Variants in CNTNAP2 observed in about 807,000 individuals in gnomAD.
The protein encoded by CNTNAP2 is contactin-associated protein-like 2.
CNTNAP2 carries 98 observed loss-of-function variants against 155.2 expected under a neutral mutation model. That is an observed-to-expected ratio of 0.63 (90% confidence interval 0.54 to 0.75). The LOEUF (loss-of-function observed/expected upper bound fraction) is 0.75, where lower values mean the gene tolerates loss of function less well. CNTNAP2 is among the 30% of genes least tolerant of loss of function. The probability of loss-of-function intolerance (pLI) is 0.00; values close to 1 mark genes in which losing one functional copy is unlikely to be tolerated. For synonymous variants in CNTNAP2, 651 were observed against 631.2 expected, an observed-to-expected ratio of 1.03 and a Z score of -0.47; for missense variants, 1,727 against 1,688.1, an observed-to-expected ratio of 1.02 and a Z score of -0.40.
At chr7:147,045,623 G>A (rs559533903) in intron 4 of CNTNAP2, among the ~76,000 whole-genome samples, 22 of 152,200 alleles carry the variant, frequency 1.4e-4, no homozygotes, top group African/African-American at 5.1e-4. Flanking sequence ...CCCAAAAAGA[G>A]GTCTAACATA....
At chr7:148,088,950 A>G (rs373228833) in intron 15 of CNTNAP2, among the ~76,000 whole-genome samples, 1 of 152,038 alleles carries the variant, frequency 6.6e-6, no homozygotes, top group African/African-American at 2.4e-5. Context: ...TACTAAAAGA[A>G]TCATTCATCA....
intron 12 of CNTNAP2, among the ~76,000 whole-genome samples, chr7:147,628,511 A>T (rs1000710816): frequency 1.3e-5 from 2 of 152,160 alleles, no homozygotes; most frequent in African/African-American, 4.8e-5. Flanking sequence ...ACCAAAATAG[A>T]ACCTCCTTAA....
intron 3 of CNTNAP2, among the ~76,000 whole-genome samples, chr7:146,887,043 C>T (rs1221595370): frequency 6.6e-6 from 1 of 151,910 alleles, no homozygotes. Flanking sequence ...TGCTTCTCTC[C>T]ATTCCCCAGT....
intron 3 of CNTNAP2, among the ~76,000 whole-genome samples, chr7:147,024,282 G>A (rs1798862601): frequency 6.6e-6 from 1 of 152,108 alleles, no homozygotes; most frequent in Non-Finnish European, 1.5e-5. Context: ...CAATTGCAAT[G>A]GTGGTTACAC....
chr7:146,788,718 G>A (rs1329002581), intron 2 of CNTNAP2, among the ~76,000 whole-genome samples: 2 of 152,066 alleles, frequency 1.3e-5, no homozygotes, highest in Non-Finnish European at 2.9e-5. Context: ...GCATTAACAT[G>A]TTTAAGCTTC....
Position 146,783,900 on chromosome 7 carries a change from G to T in CNTNAP2, c.208+9519G>T, listed in dbSNP as rs574417223. ...CCAGCAGAATACATTTCCACTTTGG[G>T]ATTTGCTTTTATAAAATTTAGCTAA... On this transcript the variant is annotated intron_variant, in intron 2 of 23. Coordinates refer to ENST00000361727, the MANE Select transcript of CNTNAP2 (RefSeq NM_014141.6). 9.9e-5 allele frequency among the ~76,000 whole-genome samples: 15 copies of T among 152,274 alleles called. No individual in the cohort carries two copies. In the East Asian group the frequency reaches 2.7e-3, roughly 27 times the overall value.
chr7:146,797,536 A>C (rs892654098), intron 2 of CNTNAP2, among the ~76,000 whole-genome samples: 1 of 152,226 alleles, frequency 6.6e-6, no homozygotes, highest in Non-Finnish European at 1.5e-5. Flanking sequence ...AGTTGTTAGC[A>C]AAAGACCACT....
chr7:148,402,175 GGATCTTGGACAATCA>G, intron 22 of CNTNAP2, among the ~76,000 whole-genome samples: 1 of 84,720 alleles, frequency 1.2e-5, no homozygotes, highest in Admixed American at 9.9e-5. Context: ...TTTGGTCACT[GGATCTTGGACAATCA>G]TGAAAGCAGC....
intron 3 of CNTNAP2, among the ~76,000 whole-genome samples, chr7:146,947,001 A>C (rs1278292024): frequency 6.6e-6 from 1 of 152,028 alleles, no homozygotes; most frequent in Non-Finnish European, 1.5e-5. Flanking sequence ...TCTTATGACA[A>C]TTATTTGCAA....
intron 1 of CNTNAP2, among the ~76,000 whole-genome samples, chr7:146,652,213 CAAG>C (rs1799926367): frequency 8.0e-6 from 1 of 125,310 alleles, no homozygotes; most frequent in South Asian, 2.9e-4. Context: ...AATTTTAACA[CAAG>C]AAAATGGCAA....
At chr7:147,647,831 C>G (rs937479140) in intron 13 of CNTNAP2, among the ~76,000 whole-genome samples, 7 of 152,024 alleles carry the variant, frequency 4.6e-5, no homozygotes, top group African/African-American at 1.7e-4. Flanking sequence ...AATTGGGAAG[C>G]TAAGGGAGAT....
Position 147,395,640 on chromosome 7 carries a change from C to A in CNTNAP2, c.1530C>A (p.His510Gln), listed in dbSNP as rs747481482. The change falls in exon 10 of 24, where the codon CAC becomes CAA. Residue 510 changes from histidine (H) to glutamine (Q), a missense_variant. Transcript: ENST00000361727. ...GFLNQMNNSS[H>Q]SVLQPSFQGC... ...TGAACCAGATGAATAACTCAAGTCA[C>A]TCTGTCCTTCAGCCTTCATTCCAAG... is the stretch of plus-strand genomic sequence containing the variant. 6.2e-7 allele frequency: 1 copy of A among 1,612,358 alleles called. No individual in the cohort carries two copies. The highest frequency in any genetic ancestry group is 8.5e-7 in the Non-Finnish European group (1 of 1,178,646).
At chr7:147,737,839 T>C (rs1256341260) in intron 13 of CNTNAP2, among the ~76,000 whole-genome samples, 1 of 152,204 alleles carries the variant, frequency 6.6e-6, no homozygotes, top group African/African-American at 2.4e-5. Context: ...TGTAATCTCC[T>C]AGTGTGCCAT....
chr7:147,219,647 C>A (rs1024795775), intron 8 of CNTNAP2, among the ~76,000 whole-genome samples: 7 of 152,208 alleles, frequency 4.6e-5, no homozygotes, highest in Admixed American at 2.6e-4. Context: ...TTTGGCAAAA[C>A]CCTCACAGAC....
At chr7:147,029,267 A>G (rs568465212) in intron 3 of CNTNAP2, among the ~76,000 whole-genome samples, 4 of 152,200 alleles carry the variant, frequency 2.6e-5, no homozygotes, top group African/African-American at 9.6e-5. Flanking sequence ...CGGGCCTAAG[A>G]TACATTCTTG....
chr7:147,223,410 T>C (rs1345106380), intron 8 of CNTNAP2, among the ~76,000 whole-genome samples: 1 of 152,020 alleles, frequency 6.6e-6, no homozygotes. Context: ...TCCCCCAAGG[T>C]TCAGGAAAGC....
chr7:146,318,660 A>G (rs1276426310), intron 1 of CNTNAP2, among the ~76,000 whole-genome samples: 1 of 152,110 alleles, frequency 6.6e-6, no homozygotes, highest in Non-Finnish European at 1.5e-5. Context: ...TTGTTTCAAG[A>G]GAGAAGATAC....
chr7:147,470,816 A>C (rs1406647318), intron 10 of CNTNAP2, among the ~76,000 whole-genome samples: 2 of 152,102 alleles, frequency 1.3e-5, no homozygotes, highest in Non-Finnish European at 2.9e-5. Flanking sequence ...GGTAATTTAG[A>C]GGTTAATATA....
intron 15 of CNTNAP2, among the ~76,000 whole-genome samples, chr7:148,085,473 T>C (rs778979040): frequency 1.3e-4 from 20 of 152,176 alleles, no homozygotes; most frequent in Non-Finnish European, 2.9e-4. Context: ...ACATACATAT[T>C]ACATATACAC....
Sources: allele counts gnomAD v4.1 joint callset (sites outside exome capture counted in the v4.1 genomes callset), GRCh38; gene constraint gnomAD v4.1.1; transcripts MANE v1.5; gene names NCBI Gene and HGNC (gene_info 2026-07-23, HGNC 2026-07-21).